AHI1: variants seen among roughly 807,000 people sequenced by gnomAD.
AHI1 encodes the protein jouberin.
A neutral mutation model predicts 149.3 loss-of-function variants in AHI1; 123 were observed. The ratio of observed to expected loss-of-function variants is 0.82; its 90% CI spans 0.71 to 0.96. AHI1 has a LOEUF of 0.96. Among genes scored for constraint, AHI1 ranks in the 40% least tolerant of loss-of-function variants. The pLI, the probability that AHI1 is intolerant of heterozygous loss-of-function variation, is 0.00. For synonymous variants in AHI1, 475 were observed against 459.8 expected (o/e 1.03, Z -0.42); for missense variants, 1,439 against 1,422.7 (o/e 1.01, Z -0.18).
At chr6:135,372,965 C>T (rs1165370100) in intron 23 of AHI1, among the ~76,000 whole-genome samples, 7 of 152,154 alleles carry the variant, frequency 4.6e-5, no homozygotes, top group African/African-American at 1.7e-4. Flanking sequence ...CAAGAATTGA[C>T]TCAAATATTA....
chr6:135,446,243 A>G (rs1316069002), intron 13 of AHI1, among the ~76,000 whole-genome samples: 2 of 152,152 alleles, frequency 1.3e-5, no homozygotes, highest in African/African-American at 4.8e-5. Flanking sequence ...ATTTGGAGAC[A>G]TGGTCTTTAA....
At chr6:135,300,704 C>A in intron 26 of AHI1, 146 bp from the exon 27 acceptor site, 7 of 1,340,420 alleles carry the variant, frequency 5.2e-6, no homozygotes, top group Non-Finnish European at 6.7e-6. Flanking sequence ...CTGTCCTGAA[C>A]ATATATTGTC....
intron 22 of AHI1, among the ~76,000 whole-genome samples, chr6:135,402,362 A>G (rs1780138924): frequency 6.6e-6 from 1 of 152,248 alleles, no homozygotes; most frequent in Non-Finnish European, 1.5e-5. Context: ...ACCAAAACTT[A>G]TACACACAAT....
chr6:135,474,140 C>T (rs56945872), intron 5 of AHI1, among the ~76,000 whole-genome samples: 4,790 of 152,162 alleles, frequency 0.031, 282 homozygotes, highest in African/African-American at 0.11. Flanking sequence ...GTTGCTTAGG[C>T]GTATTAAATA....
At chr6:135,427,699 T>C (rs1351957040) in intron 19 of AHI1, among the ~76,000 whole-genome samples, 1 of 151,372 alleles carries the variant, frequency 6.6e-6, no homozygotes, top group African/African-American at 2.4e-5. Context: ...GAAACTCTAG[T>C]TGGGTGAGCT....
At chr6:135,311,545 T>C (rs973894515) in intron 26 of AHI1, among the ~76,000 whole-genome samples, 5 of 152,154 alleles carry the variant, frequency 3.3e-5, no homozygotes, top group African/African-American at 1.2e-4. Flanking sequence ...GAACATGTTA[T>C]TTTTTATAGT....
chr6:135,376,881 C>CAAAAAAAAAAAAAAAAAA (rs1167083326), intron 23 of AHI1, among the ~76,000 whole-genome samples: 1 of 29,440 alleles, frequency 3.4e-5, no homozygotes, highest in African/African-American at 1.6e-4. Context: ...GACTCCATCT[C>CAAAAAAAAAAAAAAAAAA]AAAAAAAAAA....
intron 27 of AHI1, among the ~76,000 whole-genome samples, chr6:135,297,131 C>T (rs1783195259): frequency 6.6e-6 from 1 of 152,184 alleles, no homozygotes; most frequent in South Asian, 2.1e-4. Flanking sequence ...ATTCTTGATA[C>T]AGACAAATAA....
intron 24 of AHI1, among the ~76,000 whole-genome samples, chr6:135,334,933 G>A (rs1789148410): frequency 6.6e-6 from 1 of 152,198 alleles, no homozygotes; most frequent in African/African-American, 2.4e-5. Context: ...CCAGTAATCT[G>A]TGTTTTAGCA....
In AHI1 at chr6:135,433,168, C is replaced by T. The variant is rs752009063; in HGVS notation, c.2125G>A (p.Val709Ile). ...FVYTAKFHPA[V>I]RELVVTGCYD... ...CATCCTGTAACTACTAGCTCTCTTA[C>T]AGCTGGATGGAATTTAGCCGTGTAA... is the stretch of plus-strand genomic sequence containing the variant. The change falls in exon 16 of 29, where the codon GTA becomes ATA. Residue 709 changes from valine (V) to isoleucine (I), a missense_variant. Transcript: ENST00000265602. 12 of 1,613,056 alleles carry T rather than the reference C, an allele frequency of 7.4e-6. No homozygotes were observed. In the South Asian group the frequency reaches 1.1e-4, roughly 15 times the overall value.
intron 23 of AHI1, among the ~76,000 whole-genome samples, chr6:135,361,839 TG>T (rs1793941627): frequency 1.3e-5 from 2 of 152,108 alleles, no homozygotes; most frequent in Admixed American, 6.5e-5. Flanking sequence ...TTATTTTTTT[TG>T]ATTTTATTTT....
chr6:135,363,071 G>A (rs1401667570), intron 23 of AHI1, among the ~76,000 whole-genome samples: 1 of 147,192 alleles, frequency 6.8e-6, no homozygotes, highest in African/African-American at 2.5e-5. Context: ...TATTTTTATT[G>A]ATCATTCTTG....
chr6:135,327,780 C>A (rs1787928737), intron 24 of AHI1, among the ~76,000 whole-genome samples: 1 of 152,210 alleles, frequency 6.6e-6, no homozygotes, highest in Non-Finnish European at 1.5e-5. Flanking sequence ...CGCGGAGCTT[C>A]CACAAAAACC....
intron 14 of AHI1, among the ~76,000 whole-genome samples, chr6:135,441,106 CAAA>C (rs1337113429): frequency 6.7e-6 from 1 of 148,562 alleles, no homozygotes; most frequent in African/African-American, 2.5e-5. Context: ...GATTTCCCAC[CAAA>C]AAAGAGAGTA....
intron 24 of AHI1, 113 bp from the exon 25 acceptor site, chr6:135,323,437 A>C: frequency 8.7e-7 from 1 of 1,146,712 alleles, no homozygotes; most frequent in Non-Finnish European, 1.2e-6. Context: ...GTACTTTGGT[A>C]AGTGTGAGGC....
rs80213361 is a variant in AHI1, at chr6:135,404,864, T to C, written c.2988+87A>G. ...CACATCAGATTAACTCTTATAAAGG[T>C]TCCAAACTCTATGAATGGTGCATTC... On this transcript the variant is annotated intron_variant, in intron 22 of 28. Coordinates refer to ENST00000265602, the MANE Select transcript of AHI1 (RefSeq NM_001134831.2). 4.3e-4 allele frequency: 524 copies of C among 1,210,692 alleles called. 2 individuals carry two copies. In the African/African-American group the frequency reaches 7.0e-3, roughly 16 times the overall value. The allele number at this position is 1,210,692 out of a possible 1,614,324, so 75.0% of individuals were successfully genotyped here.
chr6:135,361,645 TCACACA>T (rs57786531), intron 23 of AHI1, among the ~76,000 whole-genome samples: 24,287 of 133,698 alleles, frequency 0.18, 2,239 homozygotes, highest in Middle Eastern at 0.23. Flanking sequence ...AGGTATGGTT[TCACACA>T]CACACACACA....
At position 135,285,376 on chromosome 6, in the gene AHI1, A is replaced by G. The variant is rs965115319; in HGVS notation, c.*269T>C. On this transcript the variant is annotated 3_prime_UTR_variant, in exon 29 of 29. Coordinates refer to ENST00000265602, the MANE Select transcript of AHI1 (RefSeq NM_001134831.2). ...TTAGTTTTCCAACACTGGTAATGTA[A>G]TTATGATGCAATTACTAACAATATA... 35 of 516,028 alleles carry G rather than the reference A, an allele frequency of 6.8e-5. No homozygotes were observed. Among genetic ancestry groups the G allele is most frequent in the African/African-American group, 5.8e-4 (30 of 52,086 alleles). 32.0% of individuals were successfully genotyped at this position (516,028 alleles called of 1,614,324 possible).
At chr6:135,366,401 G>C (rs140152399) in intron 23 of AHI1, among the ~76,000 whole-genome samples, 4 of 152,244 alleles carry the variant, frequency 2.6e-5, no homozygotes, top group African/African-American at 4.8e-5. Context: ...ATTCAGCTGT[G>C]AATCCATCTA....
Sources: allele counts gnomAD v4.1 joint callset (sites outside exome capture counted in the v4.1 genomes callset), GRCh38; gene constraint gnomAD v4.1.1; transcripts MANE v1.5; gene names NCBI Gene and HGNC (gene_info 2026-07-23, HGNC 2026-07-21).